The following KMT5B variants were observed in gnomAD, a reference collection of about 807,000 sequenced individuals.
KMT5B encodes histone-lysine N-methyltransferase KMT5B.
KMT5B carries 10 observed loss-of-function variants against 83.2 expected under a neutral mutation model. The observed-to-expected ratio is 0.12, with a 90% CI of 0.07 to 0.20. The LOEUF (loss-of-function observed/expected upper bound fraction) is 0.20, where lower values mean the gene tolerates loss of function less well. Ranked by LOEUF, KMT5B falls within the 10% of genes least tolerant of loss-of-function variation. The pLI, the probability that KMT5B is intolerant of heterozygous loss-of-function variation, is 1.00. For missense variants in KMT5B, 753 were observed against 1,067.2 expected, an observed-to-expected ratio of 0.71 and a Z score of 4.10; for synonymous variants, 349 against 388.8, an observed-to-expected ratio of 0.90 and a Z score of 1.20.
At chr11:68,190,958 G>A (rs184179226) in intron 1 of KMT5B, among the ~76,000 whole-genome samples, 1 of 152,262 alleles carries the variant, frequency 6.6e-6, no homozygotes, top group East Asian at 1.9e-4. Context: ...GAGCAACCCT[G>A]TCTTCCAAAA....
intron 1 of KMT5B, among the ~76,000 whole-genome samples, chr11:68,199,246 G>A (rs908163020): frequency 2.0e-5 from 3 of 152,018 alleles, no homozygotes; most frequent in Non-Finnish European, 4.4e-5. Flanking sequence ...ATATTCTAAT[G>A]GAAAAAAGCA....
chr11:68,185,199 A>G (rs1419697095), intron 3 of KMT5B, among the ~76,000 whole-genome samples: 2 of 152,170 alleles, frequency 1.3e-5, no homozygotes, highest in Non-Finnish European at 2.9e-5. Flanking sequence ...TCGCTAAGAT[A>G]ATTGTCATCA....
At chr11:68,159,482 T>C (rs1854670392) in intron 10 of KMT5B, among the ~76,000 whole-genome samples, 1 of 152,234 alleles carries the variant, frequency 6.6e-6, no homozygotes, top group African/African-American at 2.4e-5. Flanking sequence ...AAACGAACGC[T>C]TTCTTCTCCT....
chr11:68,168,766 C>T (rs1855562167), intron 9 of KMT5B, among the ~76,000 whole-genome samples: 1 of 152,236 alleles, frequency 6.6e-6, no homozygotes, highest in African/African-American at 2.4e-5. Context: ...CTCAGTGTCT[C>T]TGCACACGTG....
At chr11:68,160,050 C>G (rs7130844) in intron 10 of KMT5B, among the ~76,000 whole-genome samples, 1 of 152,090 alleles carries the variant, frequency 6.6e-6, no homozygotes, top group African/African-American at 2.4e-5. Flanking sequence ...TGAGAATGAG[C>G]GTATTCTTAT....
At chr11:68,181,443 AT>A (rs1856927074) in intron 3 of KMT5B, among the ~76,000 whole-genome samples, 1 of 152,226 alleles carries the variant, frequency 6.6e-6, no homozygotes, top group Admixed American at 6.5e-5. Context: ...GGAAAAGAGT[AT>A]AAAAAAGAGA....
chr11:68,172,691 G>A (rs1264330511), intron 6 of KMT5B, among the ~76,000 whole-genome samples: 1 of 152,086 alleles, frequency 6.6e-6, no homozygotes, highest in Non-Finnish European at 1.5e-5. Context: ...AGGGCTGGTG[G>A]CTACTGTACC....
chr11:68,169,895 C>T (rs1353559720), intron 9 of KMT5B, among the ~76,000 whole-genome samples: 1 of 150,914 alleles, frequency 6.6e-6, no homozygotes, highest in African/African-American at 2.5e-5. Flanking sequence ...AATTTTATGT[C>T]CCTCTGCCCT....
chr11:68,179,248 AG>A (rs1255734998), intron 4 of KMT5B, among the ~76,000 whole-genome samples: 2 of 152,068 alleles, frequency 1.3e-5, no homozygotes, highest in East Asian at 3.8e-4. Flanking sequence ...GTGGGTGACA[AG>A]GGAGGCAAGA....
At chr11:68,187,983 T>A (rs1857596034) in intron 2 of KMT5B, among the ~76,000 whole-genome samples, 1 of 152,098 alleles carries the variant, frequency 6.6e-6, no homozygotes, top group Admixed American at 6.6e-5. Flanking sequence ...TATTTATCTA[T>A]GCTTGGTAAA....
chr11:68,161,480 G>C lies in KMT5B; in HGVS notation c.1175-2309C>G, dbSNP rs551030236. On this transcript the variant is annotated intron_variant, in intron 10 of 10. Coordinates refer to ENST00000304363, the MANE Select transcript of KMT5B (RefSeq NM_017635.5). ...CCTCTTTCCATTCCACTCTCATGAC[G>C]TACCTGCAAGCACCCTTACACAACA... Among the ~76,000 whole-genome samples the C allele has an allele frequency of 7.2e-4, 110 of 151,830 alleles. 3 individuals carry two copies. In the South Asian group the frequency reaches 0.02, roughly 28 times the overall value.
chr11:68,157,497 A>G lies in KMT5B; in HGVS notation c.*191T>C. 1.2e-6 allele frequency: 1 copy of G among 818,658 alleles called. No individual in the cohort carries two copies. Among genetic ancestry groups the G allele is most frequent in the Admixed American group, 3.9e-5 (1 of 25,896 alleles). 50.7% of individuals were successfully genotyped at this position (818,658 alleles called of 1,614,324 possible). The stretch of plus-strand genomic sequence containing the variant: ...AATTGCACGTAAGAAGGCTATTTAA[A>G]AAGTACGATAAAAATTTGCACAAAT... On this transcript the variant is annotated 3_prime_UTR_variant, in exon 11 of 11. Coordinates refer to ENST00000304363, the MANE Select transcript of KMT5B (RefSeq NM_017635.5).
rs560332143 is a variant in KMT5B at position 68,173,933 on chromosome 11, T to A, written c.544-20A>T. 1.6e-6 allele frequency: 2 copies of A among 1,221,618 alleles called. No individual in the cohort carries two copies. Among genetic ancestry groups the A allele is most frequent in the East Asian group, 2.5e-5 (1 of 39,318 alleles). 75.7% of individuals were successfully genotyped at this position (1,221,618 alleles called of 1,614,324 possible). ...AAATACCTAAAACAGGAAAAAAAAA[T>A]TGATAATGACTTTAAATGGTATACC... On this transcript the variant is annotated intron_variant, in intron 5 of 10. Transcript: ENST00000304363.
intron 1 of KMT5B, among the ~76,000 whole-genome samples, chr11:68,193,453 T>C (rs2153076132): frequency 6.6e-6 from 1 of 152,240 alleles, no homozygotes; most frequent in South Asian, 2.1e-4. Flanking sequence ...CAGGAGTATC[T>C]GTGTGAGTTC....
At chr11:68,186,347 C>T (rs530286175) in intron 2 of KMT5B, among the ~76,000 whole-genome samples, 2 of 152,258 alleles carry the variant, frequency 1.3e-5, no homozygotes, top group African/African-American at 2.4e-5. Context: ...CTGCAAGAAG[C>T]GCCAGAACTC....
chr11:68,205,522 T>C (rs1265131773), intron 1 of KMT5B, among the ~76,000 whole-genome samples: 5 of 152,178 alleles, frequency 3.3e-5, no homozygotes, highest in Non-Finnish European at 4.4e-5. Flanking sequence ...ATATTAAAAC[T>C]TACAATAAAA....
At position 68,171,518 on chromosome 11, in the gene KMT5B, C is replaced by T; in HGVS notation, c.820+25G>A. 6.2e-7 allele frequency: 1 copy of T among 1,609,788 alleles called. No homozygotes were observed. Among genetic ancestry groups the T allele is most frequent in the Admixed American group, 1.7e-5 (1 of 59,504 alleles). On this transcript the variant is annotated intron_variant, in intron 7 of 10. Coordinates refer to ENST00000304363, the MANE Select transcript of KMT5B (RefSeq NM_017635.5). This position sits in a 1 kb window ranked among gnomAD's most constrained non-coding sequence, Gnocchi z 5.1. ...TTAGCAGGAATGGCCAACACTAGCG[C>T]CAACACCTTGGAAACACAGCTTACC... is the stretch of plus-strand genomic sequence containing the variant.
intron 4 of KMT5B, among the ~76,000 whole-genome samples, chr11:68,179,126 T>C (rs1856665336): frequency 6.7e-6 from 1 of 149,358 alleles, no homozygotes; most frequent in East Asian, 2.0e-4. Flanking sequence ...GCGTTTGCCA[T>C]TGAACATCAG....
chr11:68,210,724 A>G (rs1182655273), intron 1 of KMT5B, among the ~76,000 whole-genome samples: 5 of 152,138 alleles, frequency 3.3e-5, no homozygotes, highest in Non-Finnish European at 7.4e-5. Flanking sequence ...CACCCCCTGC[A>G]TTTACTTAAC....
Sources: gnomAD v4.1 joint callset for allele counts (sites outside exome capture counted in the v4.1 genomes callset) on GRCh38, gnomAD v4.1.1 for gene constraint, Gnocchi (gnomAD v3.1) non-coding constraint, MANE v1.5 for transcripts, NCBI Gene and HGNC (gene_info 2026-07-23, HGNC 2026-07-21) for gene names.